ADAMTS17: variants seen among roughly 807,000 people sequenced by gnomAD.
The protein encoded by ADAMTS17 is ADAM metallopeptidase with thrombospondin type 1 motif 17.
Under a neutral mutation model 141.5 loss-of-function variants are expected in ADAMTS17, and 113 were observed. The observed-to-expected ratio is 0.80, with a 90% confidence interval of 0.69 to 0.93. The LOEUF (loss-of-function observed/expected upper bound fraction) is 0.93, where lower values mean the gene tolerates loss of function less well. ADAMTS17 is among the 40% of genes least tolerant of loss of function. The probability of loss-of-function intolerance (pLI) is 0.00; values close to 1 mark genes in which losing one functional copy is unlikely to be tolerated. For missense variants in ADAMTS17, 1,659 were observed against 1,517.9 expected, an observed-to-expected ratio of 1.09 and a Z score of -1.54; for synonymous variants, 768 against 630.6, an observed-to-expected ratio of 1.22 and a Z score of -3.27.
At chr15:100,182,759 T>C (rs2040569441) in intron 8 of ADAMTS17, among the ~76,000 whole-genome samples, 1 of 152,150 alleles carries the variant, frequency 6.6e-6, no homozygotes, top group Non-Finnish European at 1.5e-5. Flanking sequence ...TATTTGGCCA[T>C]CTTGCTCCTC....
chr15:100,284,586 G>A (rs1395151370), intron 3 of ADAMTS17, among the ~76,000 whole-genome samples: 3 of 152,146 alleles, frequency 2.0e-5, no homozygotes, highest in East Asian at 3.9e-4. Context: ...GAGAACAGGA[G>A]CACTGAGGGG....
chr15:100,040,212 C>T (rs560411762), intron 18 of ADAMTS17, among the ~76,000 whole-genome samples: 13 of 152,292 alleles, frequency 8.5e-5, no homozygotes, highest in African/African-American at 2.4e-4. Flanking sequence ...GACGCAGCCA[C>T]CAACATATCC....
At chr15:100,305,081 C>T (rs906541647) in intron 3 of ADAMTS17, among the ~76,000 whole-genome samples, 1 of 151,956 alleles carries the variant, frequency 6.6e-6, no homozygotes, top group African/African-American at 2.4e-5. Context: ...TCTGGAGAGT[C>T]AAAAGTTATA....
intron 15 of ADAMTS17, among the ~76,000 whole-genome samples, chr15:100,084,494 G>A (rs541668921): frequency 2.6e-5 from 4 of 152,330 alleles, no homozygotes; most frequent in Admixed American, 1.3e-4. Context: ...GAAGAGAGTA[G>A]TAGTTCTCCC....
At chr15:100,074,100 C>T (rs940453575) in intron 15 of ADAMTS17, 1 of 152,962 alleles carries the variant, frequency 6.5e-6, no homozygotes, top group Non-Finnish European at 1.5e-5. Flanking sequence ...ATATATATTT[C>T]TCACCCATCC....
At chr15:100,280,929 G>A (rs558172307) in intron 4 of ADAMTS17, among the ~76,000 whole-genome samples, 6 of 152,276 alleles carry the variant, frequency 3.9e-5, no homozygotes, top group East Asian at 1.9e-4. Context: ...GGACTTTGCC[G>A]CTTGGAGTGG....
intron 6 of ADAMTS17, among the ~76,000 whole-genome samples, chr15:100,258,716 C>A (rs1327143096): frequency 6.6e-6 from 1 of 151,992 alleles, no homozygotes; most frequent in Non-Finnish European, 1.5e-5. Context: ...GGGGACACAG[C>A]AAAACCGTAT....
intron 6 of ADAMTS17, 111 bp from the exon 7 acceptor site, chr15:100,254,290 G>A (rs1490223905): frequency 6.2e-6 from 6 of 974,978 alleles, no homozygotes; most frequent in Non-Finnish European, 9.6e-6. Context: ...TTTTTCCAGT[G>A]GACACAGGCC....
intron 13 of ADAMTS17, among the ~76,000 whole-genome samples, chr15:100,115,189 A>C (rs1596472793): frequency 6.6e-6 from 1 of 152,170 alleles, no homozygotes. Flanking sequence ...TCTCGCTTCC[A>C]ATTAGGGGTC....
chr15:100,301,852 G>A (rs940649706), intron 3 of ADAMTS17, among the ~76,000 whole-genome samples: 1 of 151,992 alleles, frequency 6.6e-6, no homozygotes, highest in Non-Finnish European at 1.5e-5. Flanking sequence ...ATAAACTTGA[G>A]ATACAAATTA....
intron 20 of ADAMTS17, among the ~76,000 whole-genome samples, chr15:99,984,209 T>C (rs2060537186): frequency 6.6e-6 from 1 of 152,158 alleles, no homozygotes; most frequent in Non-Finnish European, 1.5e-5. Context: ...TGACCCCCGA[T>C]GGCCTGCAGG....
At position 99,997,748 on chromosome 15, in the gene ADAMTS17, C is replaced by T. The variant is rs1327075529; in HGVS notation, c.2592-159G>A. ...CAACCCTGGACATAACTCAGAGTAT[C>T]GGCACAGAGGGAGTGACTTGAGTGG... On this transcript the variant is annotated intron_variant, in intron 18 of 21. Coordinates refer to ENST00000268070, the MANE Select transcript of ADAMTS17 (RefSeq NM_139057.4). This position sits in a 1 kb window ranked among gnomAD's most constrained non-coding sequence, Gnocchi z 4.7. 2.0e-5 allele frequency among the ~76,000 whole-genome samples: 3 copies of T among 152,302 alleles called. No individual in the cohort carries two copies. The highest frequency in any genetic ancestry group is 2.1e-4 in the South Asian group (1 of 4,818).
chr15:100,076,235 G>T (rs982408356), intron 15 of ADAMTS17, among the ~76,000 whole-genome samples: 5 of 151,920 alleles, frequency 3.3e-5, no homozygotes, highest in Non-Finnish European at 4.4e-5. Flanking sequence ...TAGAGATGGG[G>T]TTGCACTATG....
rs140299752 is a variant in ADAMTS17 at position 100,152,993 on chromosome 15, G to A, written c.1323-231C>T. Among the ~76,000 whole-genome samples, 739 of 152,304 alleles carry A rather than the reference G, an allele frequency of 4.9e-3. 6 individuals are homozygous for A. The highest frequency in any genetic ancestry group is 0.017 in the African/African-American group (710 of 41,532). On this transcript the variant is annotated intron_variant, in intron 9 of 21. Coordinates refer to ENST00000268070, the MANE Select transcript of ADAMTS17 (RefSeq NM_139057.4). ...GCTCTGAAGGTAGTAAGAACCTGGA[G>A]ACTCGGGAGGGGCATAGGAACGACA...
intron 18 of ADAMTS17, among the ~76,000 whole-genome samples, chr15:100,029,188 G>T (rs563719113): frequency 6.6e-6 from 1 of 152,282 alleles, no homozygotes; most frequent in South Asian, 2.1e-4. Context: ...AGTCAGAATG[G>T]AATCTTCCCA....
chr15:100,170,554 G>A (rs780699535), intron 8 of ADAMTS17, among the ~76,000 whole-genome samples: 4 of 152,148 alleles, frequency 2.6e-5, no homozygotes, highest in Non-Finnish European at 4.4e-5. Context: ...GTCCCTTCGC[G>A]GATTTCAAGA....
intron 18 of ADAMTS17, among the ~76,000 whole-genome samples, chr15:99,998,836 T>G (rs900561288): frequency 6.6e-6 from 1 of 152,132 alleles, no homozygotes; most frequent in Non-Finnish European, 1.5e-5. Context: ...TTGTCCTGCC[T>G]CATAAACTCC....
In ADAMTS17 at chr15:100,053,985, ATCTGGAACTCTCCG is replaced by A; in HGVS notation, c.2193_2206del (p.Gly732CysfsTer43). 4 of 1,614,162 alleles carry A rather than the reference ATCTGGAACTCTCCG, an allele frequency of 2.5e-6. No individual in the cohort carries two copies. Among genetic ancestry groups the A allele is most frequent in the Non-Finnish European group, 2.5e-6 (3 of 1,180,030 alleles). On this transcript the variant is annotated frameshift_variant, in exon 16 of 22. Transcript: ENST00000268070. LOFTEE classifies it high-confidence loss of function. ...CACATAGCGAACAGTTGTGCCTGCAATCTGGAACTCTCCGGGGAGCTCTATCTTCCAGTCACTGT... is the reference window on the plus strand; with the variant it reads ...CACATAGCGAACAGTTGTGCCTGCAAGGGAGCTCTATCTTCCAGTCACTGT...
intron 10 of ADAMTS17, among the ~76,000 whole-genome samples, chr15:100,143,340 A>G (rs1472326930): frequency 6.6e-6 from 1 of 152,228 alleles, no homozygotes; most frequent in Non-Finnish European, 1.5e-5. Flanking sequence ...GTAGCTTGAA[A>G]GTGTTGTTAA....
Sources: gnomAD v4.1 joint callset for allele counts (sites outside exome capture counted in the v4.1 genomes callset) on GRCh38, gnomAD v4.1.1 for gene constraint, Gnocchi (gnomAD v3.1) non-coding constraint, MANE v1.5 for transcripts, NCBI Gene and HGNC (gene_info 2026-07-23, HGNC 2026-07-21) for gene names.